Variants in SCARA3 observed in about 807,000 individuals in gnomAD.
SCARA3 encodes the protein cellular stress response gene protein.
SCARA3 carries 39 observed loss-of-function variants against 47.0 expected under a neutral mutation model. That is an observed-to-expected ratio of 0.83 (90% confidence interval 0.64 to 1.08). The LOEUF (loss-of-function observed/expected upper bound fraction) is 1.08, where lower values mean the gene tolerates loss of function less well. Among genes scored for constraint, SCARA3 ranks in the 50% least tolerant of loss-of-function variants. The pLI, the probability that SCARA3 is intolerant of heterozygous loss-of-function variation, is 0.00. For missense variants in SCARA3, 724 were observed against 792.3 expected (o/e 0.91, Z 1.04); for synonymous variants, 356 against 334.1 (o/e 1.07, Z -0.71).
At chr8:27,702,551 T>C in the SCARA3 span, 1 of 152,322 alleles carries the variant, frequency 6.6e-6, no homozygotes, top group Admixed American at 6.5e-5. Context: ...GAGCGAGCCA[T>C]AGGGGAGTGA....
chr8:27,645,348 C>G (rs1443175381), intron 1 of SCARA3, among the ~76,000 whole-genome samples: 1 of 152,256 alleles, frequency 6.6e-6, no homozygotes, highest in Non-Finnish European at 1.5e-5. Flanking sequence ...GGAACATCCA[C>G]TATGTGATCA....
intron 1 of SCARA3, among the ~76,000 whole-genome samples, chr8:27,642,748 C>T (rs1032523118): frequency 2.0e-5 from 3 of 152,080 alleles, no homozygotes; most frequent in Non-Finnish European, 4.4e-5. Context: ...CGTTTGAACC[C>T]GGGAGGTCTA....
At chr8:27,711,975 T>C in the SCARA3 span, among the ~76,000 whole-genome samples, 217 of 152,308 alleles carry the variant, frequency 1.4e-3, no homozygotes, top group African/African-American at 5.1e-3. Flanking sequence ...GTCTGTAAGT[T>C]TGGGCAAACG....
At chr8:27,715,861 GATA>G in the SCARA3 span, among the ~76,000 whole-genome samples, 2 of 43,066 alleles carry the variant, frequency 4.6e-5, no homozygotes, top group African/African-American at 6.6e-5. This position sits in a 1 kb window ranked among gnomAD's most constrained non-coding sequence, Gnocchi z 4.2. Flanking sequence ...TAGATAGATA[GATA>G]CATAGATAGA....
At chr8:27,682,375 AAAAC>A in the SCARA3 span, among the ~76,000 whole-genome samples, 1 of 152,210 alleles carries the variant, frequency 6.6e-6, no homozygotes, top group African/African-American at 2.4e-5. Context: ...TTTCTTAGCT[AAAAC>A]AAGAAAAACA....
intron 2 of SCARA3, among the ~76,000 whole-genome samples, chr8:27,650,537 A>G (rs960470242): frequency 1.3e-5 from 2 of 152,224 alleles, no homozygotes; most frequent in African/African-American, 4.8e-5. Context: ...GCAATCACCC[A>G]TGGATGCATG....
intron 5 of SCARA3, among the ~76,000 whole-genome samples, chr8:27,667,232 G>A (rs1047428361): frequency 6.6e-6 from 1 of 152,186 alleles, no homozygotes; most frequent in East Asian, 1.9e-4. Flanking sequence ...TCCCTAGCCA[G>A]ACCAGGTCAC....
chr8:27,661,252 A>G (rs1801907760), intron 5 of SCARA3, among the ~76,000 whole-genome samples: 1 of 152,206 alleles, frequency 6.6e-6, no homozygotes, highest in Admixed American at 6.5e-5. Flanking sequence ...ACCTGTACAC[A>G]TCTCCTTAAA....
rs545095116 is a variant in SCARA3 at position 27,663,600 on chromosome 8, A to T, written c.1369+4061A>T. 1.7e-4 allele frequency among the ~76,000 whole-genome samples: 26 copies of T among 152,346 alleles called. 1 individual carries two copies. Among genetic ancestry groups the T allele is most frequent in the South Asian group, 1.7e-3 (8 of 4,828 alleles). ...CAGAACACTGGTCACTTGGTTGCCC[A>T]TGGTTAAGTGTTTAGTCTCCACCAA... On this transcript the variant is annotated intron_variant, in intron 5 of 5. Coordinates refer to ENST00000301904, the MANE Select transcript of SCARA3 (RefSeq NM_016240.3).
chr8:27,714,668 CTATTTA>C, the SCARA3 span, among the ~76,000 whole-genome samples: 1 of 152,078 alleles, frequency 6.6e-6, no homozygotes, highest in African/African-American at 2.4e-5. Context: ...ATATCTATAT[CTATTTA>C]TAAGAAACCA....
chr8:27,676,511 G>C, downstream of SCARA3: 1 of 1,597,282 alleles, frequency 6.3e-7, no homozygotes. Flanking sequence ...GAAATCCCCT[G>C]AAGTGAGGAA....
At chr8:27,722,752 T>C in the SCARA3 span, among the ~76,000 whole-genome samples, 2 of 152,200 alleles carry the variant, frequency 1.3e-5, no homozygotes, top group Non-Finnish European at 2.9e-5. Context: ...ACCATAACAT[T>C]GTATGGCCAA....
At chr8:27,675,192 C>G (rs1407813274), downstream of SCARA3, among the ~76,000 whole-genome samples, 1 of 152,188 alleles carries the variant, frequency 6.6e-6, no homozygotes, top group African/African-American at 2.4e-5. Flanking sequence ...AGCCTTCTGC[C>G]GTCCCTCCAA....
intron 1 of SCARA3, among the ~76,000 whole-genome samples, chr8:27,637,270 C>T (rs1281277304): frequency 2.6e-5 from 4 of 152,232 alleles, no homozygotes; most frequent in Non-Finnish European, 5.9e-5. Flanking sequence ...GGCACCTGGC[C>T]CCTCTCACAC....
the SCARA3 span, among the ~76,000 whole-genome samples, chr8:27,731,641 C>CA: frequency 0.42 from 42,241 of 99,490 alleles, 8,355 homozygotes; most frequent in Middle Eastern, 0.51. Context: ...GACTCTGTCT[C>CA]AAAAAAAAAA....
rs540212689 is a variant in SCARA3 at position 27,672,546 on chromosome 8, A to G, written c.*1195A>G. 1.6e-3 allele frequency: 1,619 copies of G among 985,756 alleles called. 3 individuals carry two copies. The highest frequency in any genetic ancestry group is 1.7e-3 in the Non-Finnish European group (1,433 of 830,202). 61.1% of individuals were successfully genotyped at this position (985,756 alleles called of 1,614,324 possible). A position where few individuals can be genotyped will look rare whatever the true frequency, so the allele number is the denominator to read the frequency against. On this transcript the variant is annotated 3_prime_UTR_variant, in exon 6 of 6. Transcript: ENST00000301904. ...ACACGGCTCTCCTGATCACAGCTGC[A>G]TGCCGACCTTGTCCCACCGGGACCC... is the stretch of plus-strand genomic sequence containing the variant.
At position 27,651,518 on chromosome 8, in the gene SCARA3, G is replaced by T; in HGVS notation, c.117G>T (p.Gly39=). 2 of 1,612,564 alleles carry T rather than the reference G, an allele frequency of 1.2e-6. No individual in the cohort carries two copies. Among genetic ancestry groups the T allele is most frequent in the Non-Finnish European group, 1.7e-6 (2 of 1,180,010 alleles). The change falls in exon 3 of 6, where the codon GGG becomes GGT. Residue 39 remains glycine, a synonymous_variant. Coordinates refer to ENST00000301904, the MANE Select transcript of SCARA3 (RefSeq NM_016240.3). ...TFPCTQKGRP[G]PRCSRCQKNL... ...TTGTGTCCCCCACAGGCCGGCCAGG[G>T]CCCCGCTGCAGCCGCTGCCAGAAGA...
the SCARA3 span, among the ~76,000 whole-genome samples, chr8:27,720,054 G>A: frequency 2.0e-5 from 3 of 152,110 alleles, no homozygotes; most frequent in African/African-American, 2.4e-5. Flanking sequence ...AACAGGAAAC[G>A]GCCAGGTCAG....
intron 5 of SCARA3, among the ~76,000 whole-genome samples, chr8:27,665,734 C>T (rs1802002533): frequency 6.6e-6 from 1 of 152,168 alleles, no homozygotes; most frequent in African/African-American, 2.4e-5. Flanking sequence ...GCCTGTATCC[C>T]ATAGGGTAAT....
Sources: allele counts gnomAD v4.1 joint callset (sites outside exome capture counted in the v4.1 genomes callset), GRCh38; gene constraint gnomAD v4.1.1; non-coding constraint Gnocchi (gnomAD v3.1); transcripts MANE v1.5; gene names NCBI Gene and HGNC (gene_info 2026-07-23, HGNC 2026-07-21).